FOXP1: variants seen among roughly 807,000 people sequenced by gnomAD.
FOXP1 encodes forkhead box protein P1.
FOXP1 carries 15 observed loss-of-function variants against 98.2 expected under a neutral mutation model. That is an observed-to-expected ratio of 0.15 (90% CI 0.10 to 0.24). The LOEUF (loss-of-function observed/expected upper bound fraction) is 0.24, where lower values mean the gene tolerates loss of function less well. Ranked by LOEUF, FOXP1 falls within the 10% of genes least tolerant of loss-of-function variation. The pLI, the probability that FOXP1 is intolerant of heterozygous loss-of-function variation, is 1.00. For synonymous variants in FOXP1, 371 were observed against 314.5 expected (o/e 1.18, Z -1.90); for missense variants, 633 against 848.5 (o/e 0.75, Z 3.15).
chr3:71,322,808 G>A (rs927803133), intron 4 of FOXP1, among the ~76,000 whole-genome samples: 1 of 152,148 alleles, frequency 6.6e-6, no homozygotes, highest in Admixed American at 6.6e-5. Context: ...AGTGACCACT[G>A]GATGTGTTTT....
At chr3:71,107,729 T>A (rs1031131260) in intron 7 of FOXP1, among the ~76,000 whole-genome samples, 1 of 152,332 alleles carries the variant, frequency 6.6e-6, no homozygotes, top group East Asian at 1.9e-4. Context: ...CATAAAGTTG[T>A]AGTTTCCTTT....
intron 5 of FOXP1, among the ~76,000 whole-genome samples, chr3:71,268,665 G>C (rs561119872): frequency 6.6e-6 from 1 of 152,174 alleles, no homozygotes; most frequent in Non-Finnish European, 1.5e-5. Context: ...ACAGACTTCT[G>C]TTAGTCCCCT....
At chr3:70,967,117 A>G (rs1313088924) in intron 19 of FOXP1, among the ~76,000 whole-genome samples, 4 of 152,226 alleles carry the variant, frequency 2.6e-5, no homozygotes, top group Admixed American at 6.5e-5. Flanking sequence ...TAATGAGAAG[A>G]AAAGTACATT....
intron 5 of FOXP1, among the ~76,000 whole-genome samples, chr3:71,208,576 C>T (rs1016918114): frequency 8.8e-6 from 1 of 113,732 alleles, no homozygotes; most frequent in African/African-American, 3.8e-5. Flanking sequence ...GTTAAACAGA[C>T]CTTGCAGGAT....
intron 4 of FOXP1, among the ~76,000 whole-genome samples, chr3:71,356,027 G>T (rs2078130451): frequency 6.6e-6 from 1 of 152,002 alleles, no homozygotes; most frequent in African/African-American, 2.4e-5. Context: ...ATCTGTGGGG[G>T]ACTAGGACCT....
chr3:71,543,381 T>C (rs1350695282), intron 2 of FOXP1: 1 of 152,268 alleles, frequency 6.6e-6, no homozygotes, highest in Non-Finnish European at 1.5e-5. Flanking sequence ...AAATTTCCAC[T>C]TGAGAAGGGA....
At chr3:71,535,086 G>GTGCAAATGA (rs1365751124) in intron 2 of FOXP1, among the ~76,000 whole-genome samples, 5 of 152,164 alleles carry the variant, frequency 3.3e-5, no homozygotes, top group Non-Finnish European at 5.9e-5. Flanking sequence ...TTTAGTAATA[G>GTGCAAATGA]TGCAAATGAT....
intron 11 of FOXP1, among the ~76,000 whole-genome samples, chr3:71,032,137 C>A (rs557449019): frequency 1.3e-5 from 2 of 152,344 alleles, no homozygotes; most frequent in South Asian, 4.1e-4. Context: ...AGTACCCGCC[C>A]GGCGCAGCCC....
intron 3 of FOXP1, among the ~76,000 whole-genome samples, chr3:71,479,689 A>G (rs1209217334): frequency 2.6e-5 from 4 of 151,278 alleles, no homozygotes; most frequent in South Asian, 4.1e-4. Context: ...CAAAAAAAAA[A>G]AAAAGAAAAG....
intron 3 of FOXP1, among the ~76,000 whole-genome samples, chr3:71,400,530 G>A (rs989641107): frequency 2.6e-5 from 4 of 152,058 alleles, no homozygotes; most frequent in African/African-American, 7.2e-5. Context: ...GCTAATTTTT[G>A]TATGTTTAGT....
chr3:71,521,983 C>G (rs556080789), intron 2 of FOXP1, among the ~76,000 whole-genome samples: 2 of 152,312 alleles, frequency 1.3e-5, no homozygotes, highest in South Asian at 4.1e-4. Flanking sequence ...ATTTTCAGAT[C>G]TCTTTGTTTG....
intron 11 of FOXP1, among the ~76,000 whole-genome samples, chr3:71,033,620 A>C (rs927487190): frequency 1.3e-4 from 20 of 151,418 alleles, no homozygotes; most frequent in African/African-American, 2.4e-4. Flanking sequence ...AAAAAAAAAA[A>C]AAAAAAACAA....
intron 7 of FOXP1, among the ~76,000 whole-genome samples, chr3:71,060,365 T>A (rs941646977): frequency 2.0e-5 from 3 of 152,122 alleles, no homozygotes; most frequent in South Asian, 2.1e-4. Flanking sequence ...TGAGAAAACA[T>A]CACTTGCTTC....
At chr3:70,987,313 G>A (rs898638545) in intron 14 of FOXP1, among the ~76,000 whole-genome samples, 2 of 152,172 alleles carry the variant, frequency 1.3e-5, no homozygotes, top group African/African-American at 4.8e-5. Flanking sequence ...CTTCTGCTTC[G>A]GTATTAACAG....
intron 2 of FOXP1, among the ~76,000 whole-genome samples, chr3:71,556,501 C>T (rs1254241289): frequency 1.5e-5 from 2 of 131,572 alleles, no homozygotes; most frequent in Admixed American, 9.0e-5. Flanking sequence ...CGCTTGAACT[C>T]GGGAGGTGGA....
chr3:71,283,535 C>G (rs954127165), intron 5 of FOXP1, among the ~76,000 whole-genome samples: 1 of 152,172 alleles, frequency 6.6e-6, no homozygotes, highest in Non-Finnish European at 1.5e-5. Context: ...GACAGGGAGA[C>G]TCCTGAAGGG....
intron 3 of FOXP1, among the ~76,000 whole-genome samples, chr3:71,407,790 A>G (rs1369576535): frequency 6.6e-6 from 1 of 152,054 alleles, no homozygotes; most frequent in African/African-American, 2.4e-5. Context: ...CCATTTCAGC[A>G]TTTCCCATTA....
intron 7 of FOXP1, among the ~76,000 whole-genome samples, chr3:71,085,761 C>T (rs1462618094): frequency 4.6e-4 from 1 of 2,190 alleles, no homozygotes. Flanking sequence ...CATGGAGTCT[C>T]ACTGTGTTGC....
intron 5 of FOXP1, chr3:71,289,855 G>C (rs2107490356): frequency 6.6e-6 from 1 of 151,942 alleles, no homozygotes; most frequent in African/African-American, 2.4e-5. Flanking sequence ...GTCTCACTAT[G>C]TTGCCCAGGT....
Sources: gnomAD v4.1 joint callset for allele counts (sites outside exome capture counted in the v4.1 genomes callset) on GRCh38, gnomAD v4.1.1 for gene constraint, MANE v1.5 for transcripts, NCBI Gene and HGNC (gene_info 2026-07-23, HGNC 2026-07-21) for gene names.